FAAP100: variants seen among roughly 807,000 people sequenced by gnomAD.
The protein encoded by FAAP100 is Fanconi anemia core complex-associated protein 100.
In FAAP100, 46 loss-of-function variants were observed where a neutral mutation model predicts 65.8. The observed-to-expected ratio is 0.70, with a 90% CI of 0.55 to 0.89. The LOEUF is 0.89. FAAP100 is among the 40% of genes least tolerant of loss of function. The pLI is 0.00. For synonymous variants in FAAP100, 663 were observed against 555.1 expected (o/e 1.19, Z -2.73); for missense variants, 1,165 against 1,196.7 (o/e 0.97, Z 0.39).
At chr17:81,549,620 C>T (rs1021350190) in intron 3 of FAAP100, among the ~76,000 whole-genome samples, 15 of 152,246 alleles carry the variant, frequency 9.9e-5, no homozygotes, top group African/African-American at 7.2e-5. Flanking sequence ...CCCTTCAAAG[C>T]CCTTCTCTCC....
intron 2 of FAAP100, chr17:81,551,683 A>C: frequency 7.5e-7 from 1 of 1,325,420 alleles, no homozygotes. Context: ...GGCCCAAAGG[A>C]CAGGATCCCG....
intron 7 of FAAP100, among the ~76,000 whole-genome samples, chr17:81,542,122 C>A (rs559523755): frequency 1.6e-5 from 2 of 127,824 alleles, no homozygotes; most frequent in Admixed American, 1.7e-4. Flanking sequence ...AGCCGAGATC[C>A]CGCCACTGCA....
rs868564924 is a variant in FAAP100 at position 81,548,237 on chromosome 17, C to T, written c.1404-559G>A. Reference sequence around the variant, plus strand: ...GCGCACTCAGTGTGTTCTCTCTGAACGTCCCGAAGCCAGTGCTGCGGGAGG... The same window carrying T: ...GCGCACTCAGTGTGTTCTCTCTGAATGTCCCGAAGCCAGTGCTGCGGGAGG... On this transcript the variant is annotated intron_variant, in intron 4 of 8. Transcript: ENST00000327787. 6.7e-5 allele frequency: 37 copies of T among 549,658 alleles called. 1 individual carries two copies. The highest frequency in any genetic ancestry group is 8.8e-5 in the Non-Finnish European group (27 of 306,962). The allele number at this position is 549,658 out of a possible 1,614,324, so 34.0% of individuals were successfully genotyped here.
At position 81,540,664 on chromosome 17, in the gene FAAP100, G is replaced by A. The variant is rs1468662877; in HGVS notation, c.*155C>T. The stretch of plus-strand genomic sequence containing the variant: ...CTGCTTTGTGCTCCACGGCCTCCAA[G>A]CACTTTCATGAGCGTTCTGCTCCTA... On this transcript the variant is annotated 3_prime_UTR_variant, in exon 9 of 9. Coordinates refer to ENST00000327787, the MANE Select transcript of FAAP100 (RefSeq NM_025161.6). 2 of 1,028,218 alleles carry A rather than the reference G, an allele frequency of 1.9e-6. No individual in the cohort carries two copies. The highest frequency in any genetic ancestry group is 2.6e-6 in the Non-Finnish European group (2 of 759,832). 63.7% of individuals were successfully genotyped at this position (1,028,218 alleles called of 1,614,324 possible). A position where few individuals can be genotyped will look rare whatever the true frequency, so the allele number is the denominator to read the frequency against.
In FAAP100 at chr17:81,547,585, G is replaced by A. The variant is rs138931855; in HGVS notation, c.1497C>T (p.Ser499=). The A allele has an allele frequency of 2.1e-4, 336 of 1,613,484 alleles. 1 individual carries two copies. Among genetic ancestry groups the A allele is most frequent in the Non-Finnish European group, 2.6e-4 (305 of 1,180,022 alleles). The change falls in exon 5 of 9, where the codon AGC becomes AGT. Residue 499 remains serine, a synonymous_variant. Coordinates refer to ENST00000327787, the MANE Select transcript of FAAP100 (RefSeq NM_025161.6). ...AGGAGATGGGTCTGGGGCCCGTGCC[G>A]CTTGACAGCAGTGCACAGCTCACGT... ...AMNVSCALLS[S]GTGPRPISCT... is the part of the protein sequence containing the mutation.
At chr17:81,546,089 C>T (rs1157884551) in intron 5 of FAAP100, among the ~76,000 whole-genome samples, 1 of 152,266 alleles carries the variant, frequency 6.6e-6, no homozygotes, top group Non-Finnish European at 1.5e-5. Flanking sequence ...CTCTGCTGAA[C>T]AAGTCCTACG....
Position 81,541,683 on chromosome 17 carries a change from T to C in FAAP100, c.2428-288A>G, listed in dbSNP as rs188339456. Among the ~76,000 whole-genome samples, 219 of 152,346 alleles carry C rather than the reference T, an allele frequency of 1.4e-3. 1 individual carries two copies. Among genetic ancestry groups the C allele is most frequent in the African/African-American group, 4.9e-3 (205 of 41,590 alleles). ...TTCCCTGTCCCCAAGAGCCACACTC[T>C]GTGCAGATCCAGACCTGCCTACCGC... On this transcript the variant is annotated intron_variant, in intron 7 of 8. Transcript: ENST00000327787.
At position 81,544,113 on chromosome 17, in the gene FAAP100, A is replaced by G; in HGVS notation, c.2318T>C (p.Met773Thr). 2 of 1,610,294 alleles carry G rather than the reference A, an allele frequency of 1.2e-6. No homozygotes were observed. Among genetic ancestry groups the G allele is most frequent in the Non-Finnish European group, 1.7e-6 (2 of 1,177,776 alleles). ...NVHLIVREVAMTDLCPAGPIQ... is the reference protein window; with the variant it reads ...NVHLIVREVATTDLCPAGPIQ... ...GGGCCCTGCTGGGCACAGGTCAGTC[A>G]TGGCCACCTGCAACACAGGAGCCAC... Residue 773 changes from methionine (M) to threonine (T), a missense_variant, in exon 7 of 9, where the codon ATG becomes ACG. Transcript: ENST00000327787.
At position 81,549,138 on chromosome 17, in the gene FAAP100, C is replaced by T; in HGVS notation, c.1403+68G>A. 1.9e-6 allele frequency: 3 copies of T among 1,583,526 alleles called. No individual in the cohort carries two copies. The South Asian group carries it at 3.4e-5, about 18-fold the overall frequency. ...AGGACACTCACACCCAGGACGACCC[C>T]ACACAGGGACGCTACCTCCCAAGGA... On this transcript the variant is annotated intron_variant, in intron 4 of 8. Coordinates refer to ENST00000327787, the MANE Select transcript of FAAP100 (RefSeq NM_025161.6).
intron 6 of FAAP100, among the ~76,000 whole-genome samples, 180 bp from the exon 7 acceptor site, chr17:81,544,300 T>G (rs968557943): frequency 3.3e-5 from 5 of 152,214 alleles, no homozygotes; most frequent in African/African-American, 9.7e-5. Context: ...TTTAGCTTTT[T>G]CCACCTGAAG....
chr17:81,541,218 C>T lies in FAAP100; in HGVS notation c.2514+91G>A. Reference sequence around the variant, plus strand: ...GCGAAGCCCATGCGCTGTGAGGACTCTGCGGACCCCGAGTGACTAGAGGGG... The same window carrying T: ...GCGAAGCCCATGCGCTGTGAGGACTTTGCGGACCCCGAGTGACTAGAGGGG... On this transcript the variant is annotated intron_variant, in intron 8 of 8. Transcript: ENST00000327787. 4 of 1,399,144 alleles carry T rather than the reference C, an allele frequency of 2.9e-6. No individual in the cohort carries two copies. In the South Asian group the frequency reaches 4.9e-5, roughly 17 times the overall value. 86.7% of individuals were successfully genotyped at this position (1,399,144 alleles called of 1,614,324 possible).
At chr17:81,547,763 C>G in intron 4 of FAAP100, 85 bp from the exon 5 acceptor site, 1 of 1,493,148 alleles carries the variant, frequency 6.7e-7, no homozygotes, top group East Asian at 2.3e-5. Flanking sequence ...TGGTAGGCAC[C>G]GAGCCTGGCT....
At position 81,547,280 on chromosome 17, in the gene FAAP100, G is replaced by A. The variant is rs537350849; in HGVS notation, c.1802C>T (p.Thr601Met). The A allele has an allele frequency of 3.1e-5, 50 of 1,611,314 alleles. No individual in the cohort carries two copies. The highest frequency in any genetic ancestry group is 1.7e-4 in the Middle Eastern group (1 of 6,056). Residue 601 changes from threonine (T) to methionine (M), a missense_variant, in exon 5 of 9, where the codon ACG (threonine) becomes ATG (methionine). Thr to Met is a moderately conservative substitution (Grantham distance 81). Coordinates refer to ENST00000327787, the MANE Select transcript of FAAP100 (RefSeq NM_025161.6). The part of the protein sequence containing the change: ...GLDLPVTVSC[T>M]LFYSLREVVG... ...CACCTCCCTGAGACTGTAGAACAGC[G>A]TGCAGGACACGGTCACGGGCAGGTC...
intron 3 of FAAP100, 118 bp from the exon 4 acceptor site, chr17:81,549,480 C>G: frequency 7.7e-7 from 1 of 1,303,368 alleles, no homozygotes; most frequent in Non-Finnish European, 1.0e-6. Context: ...GGCCAGTGTC[C>G]AGTGAGGAAG....
chr17:81,550,255 C>G lies in FAAP100; in HGVS notation c.1239G>C (p.Thr413=), dbSNP rs750877164. ...SVVSLSASPR[T]HEGGTKLLAL... The stretch of plus-strand genomic sequence containing the variant: ...TTAGACAGCAGCTCATACCTTCATG[C>G]GTCCTGGGAGACGCGGACAGCGAGA... The change falls in exon 3 of 9, where the codon ACG becomes ACC. Residue 413 remains threonine (T), a synonymous_variant. Transcript: ENST00000327787. 8.1e-6 allele frequency: 13 copies of G among 1,597,612 alleles called. No homozygotes were observed. Among genetic ancestry groups the G allele is most frequent in the Non-Finnish European group, 1.1e-5 (13 of 1,170,450 alleles).
chr17:81,551,545 C>T (rs2143967038), intron 2 of FAAP100, among the ~76,000 whole-genome samples: 1 of 152,360 alleles, frequency 6.6e-6, no homozygotes, highest in Non-Finnish European at 1.5e-5. Flanking sequence ...GCCCGGAGCT[C>T]GCTTCCTTCC....
chr17:81,546,883 G>T, intron 5 of FAAP100, 26 bp downstream of exon 5: 2 of 1,367,552 alleles, frequency 1.5e-6, no homozygotes, highest in South Asian at 4.3e-5. Flanking sequence ...CCCCAAGGCT[G>T]AGCAAAGCCA....
Position 81,550,480 on chromosome 17 carries a change from C to G in FAAP100, c.1014G>C (p.Leu338=), listed in dbSNP as rs776922945. 6.2e-7 allele frequency: 1 copy of G among 1,612,604 alleles called. No homozygotes were observed. The highest frequency in any genetic ancestry group is 8.5e-7 in the Non-Finnish European group (1 of 1,179,846). The change falls in exon 3 of 9, where the codon CTG becomes CTC. Residue 338 remains leucine, a synonymous_variant. Coordinates refer to ENST00000327787, the MANE Select transcript of FAAP100 (RefSeq NM_025161.6). Reference sequence around the variant, plus strand: ...CAGGGCCTGGGAGGCAGTACTCCCGCAGCTCGGGCACCAGCTTCCCGGACT... The same window carrying G: ...CAGGGCCTGGGAGGCAGTACTCCCGGAGCTCGGGCACCAGCTTCCCGGACT... ...WDESGKLVPE[L]REYCLPGPVL...
At position 81,552,274 on chromosome 17, in the gene FAAP100, C is replaced by A; in HGVS notation, c.57G>T (p.Gly19=). 6.8e-7 allele frequency: 1 copy of A among 1,474,824 alleles called. No homozygotes were observed. Among genetic ancestry groups the A allele is most frequent in the Non-Finnish European group, 8.9e-7 (1 of 1,120,298 alleles). The allele number at this position is 1,474,824 out of a possible 1,614,324, so 91.4% of individuals were successfully genotyped here. A position where few individuals can be genotyped will look rare whatever the true frequency, so the allele number is the denominator to read the frequency against. The change falls in exon 1 of 9, where the codon GGG becomes GGT. Residue 19 remains glycine (G), a synonymous_variant. Coordinates refer to ENST00000327787, the MANE Select transcript of FAAP100 (RefSeq NM_025161.6). The stretch of plus-strand genomic sequence containing the variant: ...CGCGGGGCTTGCCCGCCGCCAGGCC[C>A]CCGAGAGGGCAGCAGAAGCCCGCCA... ...RYLAGFCCPL[G]GLAAGKPRVL...
Sources: gnomAD v4.1 joint callset for allele counts (sites outside exome capture counted in the v4.1 genomes callset) on GRCh38, gnomAD v4.1.1 for gene constraint, MANE v1.5 for transcripts, NCBI Gene and HGNC (gene_info 2026-07-23, HGNC 2026-07-21) for gene names.